Variants in ACSS2 observed in about 807,000 individuals in gnomAD.
The protein encoded by ACSS2 is acetyl-coenzyme A synthetase, cytoplasmic.
In ACSS2, 58 loss-of-function variants were observed where a neutral mutation model predicts 90.6. That is an observed-to-expected ratio of 0.64 (90% CI 0.52 to 0.80). ACSS2 has a LOEUF of 0.80. Among genes scored for constraint, ACSS2 ranks in the 30% least tolerant of loss-of-function variants. ACSS2 has a pLI of 0.00. For synonymous variants in ACSS2, 300 were observed against 330.9 expected, an observed-to-expected ratio of 0.91 and a Z score of 1.01; for missense variants, 759 against 912.0, an observed-to-expected ratio of 0.83 and a Z score of 2.16.
intron 7 of ACSS2, among the ~76,000 whole-genome samples, chr20:34,914,840 G>T (rs1243611295): frequency 6.6e-6 from 1 of 152,208 alleles, no homozygotes; most frequent in Non-Finnish European, 1.5e-5. Context: ...AAGGACCAGA[G>T]TCCAGCCCTC....
chr20:34,896,954 C>T (rs6119543), intron 2 of ACSS2, among the ~76,000 whole-genome samples: 82,150 of 151,576 alleles, frequency 0.54, 22,985 homozygotes, highest in South Asian at 0.73. Flanking sequence ...TGCTTGAACC[C>T]GGGAGGCGGA....
chr20:34,876,581 T>C (rs1328408134), upstream of ACSS2: 5 of 1,282,694 alleles, frequency 3.9e-6, no homozygotes, highest in Non-Finnish European at 5.0e-6. Context: ...TAGTTCGGCC[T>C]GTTTTCTCAG....
chr20:34,926,924 G>T lies in ACSS2; in HGVS notation c.1951G>T (p.Ala651Ser). 4 of 1,614,174 alleles carry T rather than the reference G, an allele frequency of 2.5e-6. No individual in the cohort carries two copies. The highest frequency in any genetic ancestry group is 3.4e-6 in the Non-Finnish European group (4 of 1,180,032). ...TGCCACACCAGACTACATCCAGAAT[G>T]CACCTGGCTTGCCTAAAACCCGCTC... The part of the protein sequence containing the change: ...PIATPDYIQN[A>S]PGLPKTRSGK... The change falls in exon 17 of 18, where the codon GCA becomes TCA. Residue 651 changes from alanine (A) to serine (S), a missense_variant. Coordinates refer to ENST00000360596, the MANE Select transcript of ACSS2 (RefSeq NM_018677.4).
rs146104760 is a variant in ACSS2, at chr20:34,925,427, C to A, written c.1658-271C>A. Among the ~76,000 whole-genome samples the A allele has an allele frequency of 7.9e-4, 120 of 152,242 alleles. 1 individual carries two copies. In the East Asian group the frequency reaches 0.016, roughly 21 times the overall value. ...GAGACAAGCTAGGTGTCTTCTACAA[C>A]CTAATCTCAGAAGTGACATCCTATC... On this transcript the variant is annotated intron_variant, in intron 14 of 17. Coordinates refer to ENST00000360596, the MANE Select transcript of ACSS2 (RefSeq NM_018677.4).
At chr20:34,915,329 G>A in intron 7 of ACSS2, 1 of 1,592,130 alleles carries the variant, frequency 6.3e-7, no homozygotes, top group Non-Finnish European at 8.6e-7. Flanking sequence ...CCCTTTGCCT[G>A]TTTGCCCCAT....
chr20:34,914,421 C>T lies in ACSS2; in HGVS notation c.818C>T (p.Ser273Leu), dbSNP rs1453512795. 1 of 1,613,332 alleles carries T rather than the reference C, an allele frequency of 6.2e-7. No individual in the cohort carries two copies. Among genetic ancestry groups the T allele is most frequent in the Non-Finnish European group, 8.5e-7 (1 of 1,179,638 alleles). ...STSQSPPIKR[S>L]CPDVQISWNQ... ...AGCCAGTCCCCCCCAATTAAGAGGT[C>T]ATGCCCAGATGTGCAGGTGAGTCTG... The change falls in exon 7 of 18, where the codon TCA becomes TTA. Residue 273 changes from serine to leucine, a missense_variant. By Grantham distance (145) the Ser-to-Leu change is moderately radical. Coordinates refer to ENST00000360596, the MANE Select transcript of ACSS2 (RefSeq NM_018677.4).
rs148681735 is a variant in ACSS2, at chr20:34,927,450, A to G, written c.*236A>G. 6.9e-6 allele frequency: 4 copies of G among 576,196 alleles called. No individual in the cohort carries two copies. The highest frequency in any genetic ancestry group is 5.6e-5 in the African/African-American group (3 of 53,518). 35.7% of individuals were successfully genotyped at this position (576,196 alleles called of 1,614,324 possible). The stretch of plus-strand genomic sequence containing the variant: ...TGTGCCTCCAGACTGCAGAGCTCTC[A>G]GAACCCAGAACAGAGACGAAAAGGC... On this transcript the variant is annotated 3_prime_UTR_variant, in exon 18 of 18. Coordinates refer to ENST00000360596, the MANE Select transcript of ACSS2 (RefSeq NM_018677.4). This position sits in a 1 kb window ranked among gnomAD's most constrained non-coding sequence, Gnocchi z 4.2.
chr20:34,909,140 T>G (rs1171222370), intron 2 of ACSS2, among the ~76,000 whole-genome samples: 1 of 149,452 alleles, frequency 6.7e-6, no homozygotes, highest in African/African-American at 2.5e-5. Flanking sequence ...GGAGGATCAC[T>G]TGAGGCCAGG....
At chr20:34,886,531 G>A (rs574335887) in intron 2 of ACSS2, among the ~76,000 whole-genome samples, 8 of 152,166 alleles carry the variant, frequency 5.3e-5, no homozygotes, top group African/African-American at 1.9e-4. Context: ...GGCTGAGGCA[G>A]AAGAATCGCG....
chr20:34,913,136 C>T lies in ACSS2; in HGVS notation c.415C>T (p.His139Tyr). The T allele has an allele frequency of 1.2e-6, 2 of 1,614,138 alleles. No individual in the cohort carries two copies. Among genetic ancestry groups the T allele is most frequent in the Non-Finnish European group, 1.7e-6 (2 of 1,180,038 alleles). Residue 139 changes from histidine to tyrosine, a missense_variant, in exon 3 of 18, where the codon CAT becomes TAT. His to Tyr is a moderately conservative substitution (Grantham distance 83, BLOSUM62 2). Transcript: ENST00000360596. Reference protein sequence around the residue: ...EPGETTQITYHQLLVQVCQFS... With the variant: ...EPGETTQITYYQLLVQVCQFS... ...AGGGGAGACCACTCAGATCACATAC[C>T]ATCAGCTTCTGGTCCAAGTGTGTCA... is the stretch of plus-strand genomic sequence containing the variant.
intron 1 of ACSS2, among the ~76,000 whole-genome samples, chr20:34,878,314 C>A (rs968704453): frequency 6.6e-6 from 1 of 152,118 alleles, no homozygotes; most frequent in African/African-American, 2.4e-5. Flanking sequence ...CGAATCAAAT[C>A]CAGAAAAATC....
intron 1 of ACSS2, among the ~76,000 whole-genome samples, chr20:34,878,876 TA>T (rs2079989005): frequency 6.6e-6 from 1 of 151,766 alleles, no homozygotes; most frequent in Non-Finnish European, 1.5e-5. Flanking sequence ...TGGCAGTTTC[TA>T]ATTAAAATTC....
chr20:34,907,657 G>GAC (rs2080842206), intron 2 of ACSS2, among the ~76,000 whole-genome samples: 1 of 152,196 alleles, frequency 6.6e-6, no homozygotes, highest in Non-Finnish European at 1.5e-5. Context: ...TGCATATGGG[G>GAC]ACACATGTGC....
intron 2 of ACSS2, chr20:34,908,838 G>A: frequency 2.5e-6 from 1 of 396,596 alleles, no homozygotes; most frequent in Middle Eastern, 3.7e-4. Context: ...TCCAGCCTGG[G>A]CAACAGGAGC....
At chr20:34,895,343 C>A (rs900137998) in intron 2 of ACSS2, among the ~76,000 whole-genome samples, 3 of 152,140 alleles carry the variant, frequency 2.0e-5, no homozygotes, top group Non-Finnish European at 4.4e-5. Flanking sequence ...TTTTGCATAG[C>A]CAGTTATCAC....
At chr20:34,920,040 C>G (rs1033780665) in intron 8 of ACSS2, among the ~76,000 whole-genome samples, 1 of 152,198 alleles carries the variant, frequency 6.6e-6, no homozygotes, top group African/African-American at 2.4e-5. Context: ...CTATGTCACT[C>G]TACCTTCTGC....
chr20:34,895,971 G>A (rs571547295), intron 2 of ACSS2, among the ~76,000 whole-genome samples: 105 of 152,276 alleles, frequency 6.9e-4, no homozygotes, highest in African/African-American at 2.5e-3. Flanking sequence ...ATAAAATGAT[G>A]CCCCTGGATT....
intron 1 of ACSS2, among the ~76,000 whole-genome samples, chr20:34,878,890 CTTTTCTTTTTTTTTTTT>C (rs1057359506): frequency 5.6e-5 from 8 of 141,650 alleles, no homozygotes; most frequent in African/African-American, 1.3e-4. Context: ...TAAAATTCTG[CTTTTCTTTTTTTTTTTT>C]TTTTCTTTTT....
intron 2 of ACSS2, among the ~76,000 whole-genome samples, chr20:34,895,993 T>C (rs1286438269): frequency 6.6e-6 from 1 of 152,172 alleles, no homozygotes; most frequent in African/African-American, 2.4e-5. Context: ...TCTTTCCACT[T>C]TCTGTTTCTG....
Sources: allele counts gnomAD v4.1 joint callset (sites outside exome capture counted in the v4.1 genomes callset), GRCh38; gene constraint gnomAD v4.1.1; non-coding constraint Gnocchi (gnomAD v3.1); transcripts MANE v1.5; gene names NCBI Gene and HGNC (gene_info 2026-07-23, HGNC 2026-07-21).